The following ZNF518A variants were observed in gnomAD, a reference collection of about 807,000 sequenced individuals.
ZNF518A encodes the protein zinc finger protein 518A, also known as zinc finger protein 518.
A neutral mutation model predicts 102.7 loss-of-function variants in ZNF518A; 47 were observed. That is an observed-to-expected ratio of 0.46 (90% CI 0.36 to 0.58). The LOEUF (loss-of-function observed/expected upper bound fraction) is 0.58, where lower values mean the gene tolerates loss of function less well. ZNF518A is among the 20% of genes least tolerant of loss of function. ZNF518A has a pLI of 0.00. For synonymous variants in ZNF518A, 652 were observed against 594.6 expected (o/e 1.10, Z -1.40); for missense variants, 1,793 against 1,699.8 (o/e 1.05, Z -0.96).
At chr10:96,130,248 TGA>T (rs2081253786), upstream of ZNF518A, 1 of 152,450 alleles carries the variant, frequency 6.6e-6, no homozygotes, top group African/African-American at 2.4e-5. Flanking sequence ...CCGCCTCTTG[TGA>T]GAGGAAGCGC....
chr10:96,178,070 G>A (rs2133889578), intron 1 of ZNF518A, among the ~76,000 whole-genome samples: 1 of 152,112 alleles, frequency 6.6e-6, no homozygotes, highest in Admixed American at 6.5e-5. Context: ...AGAACAACTA[G>A]GCAAAAAGAA....
At chr10:96,190,938 A>G (rs1448838854) in intron 1 of ZNF518A, among the ~76,000 whole-genome samples, 1 of 152,058 alleles carries the variant, frequency 6.6e-6, no homozygotes, top group African/African-American at 2.4e-5. Context: ...CCACTTTGAA[A>G]CTTGATATGG....
intron 1 of ZNF518A, chr10:96,191,818 A>G: frequency 9.9e-7 from 1 of 1,010,156 alleles, no homozygotes; most frequent in Non-Finnish European, 1.5e-6. Context: ...AGCTTCTTAA[A>G]AAGAAATGGA....
chr10:96,156,170 G>T, intron 5 of ZNF518A, 27 bp from the exon 6 acceptor site: 1 of 618,858 alleles, frequency 1.6e-6, no homozygotes, highest in Non-Finnish European at 2.4e-6. Flanking sequence ...TTTGTGATGA[G>T]AATTTCAATT....
intron 1 of ZNF518A, among the ~76,000 whole-genome samples, chr10:96,187,558 C>CT (rs1242388373): frequency 2.0e-5 from 3 of 152,200 alleles, no homozygotes; most frequent in African/African-American, 7.2e-5. Context: ...CCCTGGCTAA[C>CT]TTATGATAAC....
chr10:96,169,868 G>C (rs1554890715), intron 1 of ZNF518A, among the ~76,000 whole-genome samples: 1 of 152,152 alleles, frequency 6.6e-6, no homozygotes, highest in Non-Finnish European at 1.5e-5. Context: ...AACTGATTTT[G>C]TAATGCTTGT....
rs2083590720 is a variant in ZNF518A at position 96,200,083 on chromosome 10, A to T, written n.36-3491A>T. On this transcript the variant is annotated intron_variant and non_coding_transcript_variant, in intron 1 of 2. Coordinates refer to the ZNF518A transcript ENST00000442635. This position sits in a 1 kb window ranked among gnomAD's most constrained non-coding sequence, Gnocchi z 4.3. ...AATAAAAATGATCAGACCTTGTTTG[A>T]TCTGTGCAATGCCTCTTCAGCAGAC... 1 of 1,608,754 alleles carries T rather than the reference A, an allele frequency of 6.2e-7. No homozygotes were observed. The highest frequency in any genetic ancestry group is 1.3e-5 in the African/African-American group (1 of 74,860).
At chr10:96,195,144 A>C (rs761308256) in intron 1 of ZNF518A, among the ~76,000 whole-genome samples, 9 of 152,286 alleles carry the variant, frequency 5.9e-5, no homozygotes, top group Non-Finnish European at 1.2e-4. Flanking sequence ...TAAAACAACA[A>C]CACAATTCAG....
Position 96,150,168 on chromosome 10 carries a change from C to CAA in ZNF518A, c.-301-5143_-301-5142dup, listed in dbSNP as rs60041911. 1.3e-3 allele frequency among the ~76,000 whole-genome samples: 177 copies of CAA among 132,644 alleles called. No homozygotes were observed. The East Asian group carries it at 0.019, about 14-fold the overall frequency. 87.0% of individuals were successfully genotyped at this position (132,644 alleles called of 152,430 possible). A position where few individuals can be genotyped will look rare whatever the true frequency, so the allele number is the denominator to read the frequency against. Reference sequence around the variant, plus strand: ...TGAAACCCCGTCTCTACTAAAAATACAAAAAAAAAAAAAAAATTAACCAGG... The same window carrying CAA: ...TGAAACCCCGTCTCTACTAAAAATACAAAAAAAAAAAAAAAAAATTAACCAGG... On this transcript the variant is annotated intron_variant, in intron 3 of 5. Coordinates refer to ENST00000316045, the MANE Select transcript of ZNF518A (RefSeq NM_001330736.2).
intron 1 of ZNF518A, among the ~76,000 whole-genome samples, chr10:96,131,372 TTTTGAG>T (rs2081328666): frequency 1.3e-5 from 2 of 152,252 alleles, no homozygotes; most frequent in Admixed American, 6.5e-5. Context: ...TCCTAACATT[TTTTGAG>T]TTTAACTGCA....
chr10:96,168,441 T>G (rs1388265215), downstream of ZNF518A, among the ~76,000 whole-genome samples: 6 of 152,122 alleles, frequency 3.9e-5, no homozygotes, highest in Admixed American at 6.5e-5. Context: ...TCCAGTGTTT[T>G]TTTTTTTTCA....
chr10:96,188,700 T>C (rs782173516), intron 1 of ZNF518A, among the ~76,000 whole-genome samples: 38 of 152,162 alleles, frequency 2.5e-4, no homozygotes, highest in Non-Finnish European at 5.1e-4. Flanking sequence ...ATGGTTTTCC[T>C]AAAAGGAGAA....
chr10:96,196,276 C>A (rs1246170794), intron 1 of ZNF518A, among the ~76,000 whole-genome samples: 3 of 152,146 alleles, frequency 2.0e-5, no homozygotes, highest in Non-Finnish European at 2.9e-5. Context: ...ATTTCTAGAC[C>A]ATTCATGGGT....
Position 96,160,868 on chromosome 10 carries a change from A to G in ZNF518A, c.*94A>G, listed in dbSNP as rs868955839. On this transcript the variant is annotated 3_prime_UTR_variant, in exon 6 of 6. Transcript: ENST00000316045. Reference sequence around the variant, plus strand: ...TAATGCAGACATTTTCTACTTCAGTATAGTACCTGAAATCGAACATTTTAA... The same window carrying G: ...TAATGCAGACATTTTCTACTTCAGTGTAGTACCTGAAATCGAACATTTTAA... The G allele has an allele frequency of 1.8e-5, 23 of 1,263,598 alleles. No individual in the cohort carries two copies. The Middle Eastern group carries it at 2.0e-3, about 108-fold the overall frequency. The allele number at this position is 1,263,598 out of a possible 1,614,324, so 78.3% of individuals were successfully genotyped here.
chr10:96,159,621 A>G lies in ZNF518A; in HGVS notation c.3299A>G (p.Asp1100Gly), dbSNP rs1554886356. ...CCACCTCTTTATACCTTCTTGCCTG[A>G]TGGCAAACAAGCTGTTTTTTTAAAG... is the stretch of plus-strand genomic sequence containing the variant. ...PKPPLYTFLP[D>G]GKQAVFLKCV... is the part of the protein sequence containing the mutation. Residue 1100 changes from aspartate to glycine, a missense_variant, in exon 6 of 6, where the codon GAT becomes GGT. This residue lies in a region of ZNF518A where 1,741 missense variants were observed against 1,622.6 expected (regional missense o/e 1.07). Transcript: ENST00000316045. 1.9e-6 allele frequency: 3 copies of G among 1,613,830 alleles called. No homozygotes were observed. Among genetic ancestry groups the G allele is most frequent in the Admixed American group, 3.3e-5 (2 of 60,006 alleles).
chr10:96,165,082 T>TGAACAATTAACAGTAATCAACTGGG (rs587700207), downstream of ZNF518A, among the ~76,000 whole-genome samples: 109 of 152,340 alleles, frequency 7.2e-4, 2 homozygotes, highest in East Asian at 0.015. Context: ...GTTACTTTCC[T>TGAACAATTAACAGTAATCAACTGGG]GAACAATTAA....
chr10:96,136,733 C>T (rs1451776938), intron 3 of ZNF518A, among the ~76,000 whole-genome samples: 1 of 152,060 alleles, frequency 6.6e-6, no homozygotes, highest in Non-Finnish European at 1.5e-5. Flanking sequence ...TCATTTTGGG[C>T]TCCAGAACTA....
chr10:96,159,445 A>T lies in ZNF518A; in HGVS notation c.3123A>T (p.Ser1041=). 1 of 1,613,844 alleles carries T rather than the reference A, an allele frequency of 6.2e-7. No individual in the cohort carries two copies. Among genetic ancestry groups the T allele is most frequent in the Non-Finnish European group, 8.5e-7 (1 of 1,179,800 alleles). The change falls in exon 6 of 6, where the codon TCA becomes TCT. Residue 1041 remains serine (S), a synonymous_variant. Transcript: ENST00000316045. ...IGSCLSMKSS[S]ENTLPLKGPY... is the part of the protein sequence containing the mutation. The stretch of plus-strand genomic sequence containing the variant: ...GTTGTTTGAGCATGAAAAGTAGCTC[A>T]GAAAATACTTTGCCATTAAAAGGCC...
At chr10:96,150,698 T>C (rs1205862451) in intron 3 of ZNF518A, among the ~76,000 whole-genome samples, 1 of 149,924 alleles carries the variant, frequency 6.7e-6, no homozygotes, top group African/African-American at 2.4e-5. Flanking sequence ...TTGATTTTTT[T>C]TTAAGTTTTC....
Sources: gnomAD v4.1 joint callset for allele counts (sites outside exome capture counted in the v4.1 genomes callset) on GRCh38, gnomAD v4.1.1 for gene constraint, gnomAD v4.1.1 regional missense constraint, Gnocchi (gnomAD v3.1) non-coding constraint, MANE v1.5 for transcripts, NCBI Gene and HGNC (gene_info 2026-07-23, HGNC 2026-07-21) for gene names.